Variants in GFRA1 observed in about 807,000 individuals in gnomAD.
The protein encoded by GFRA1 is GDNF family receptor alpha 1.
A neutral mutation model predicts 51.6 loss-of-function variants in GFRA1; 16 were observed. That is an observed-to-expected ratio of 0.31 (90% CI 0.21 to 0.47). The LOEUF (loss-of-function observed/expected upper bound fraction) is 0.47. GFRA1 is among the 20% of genes least tolerant of loss of function. The pLI is 1.00. For synonymous variants in GFRA1, 270 were observed against 241.3 expected, an observed-to-expected ratio of 1.12 and a Z score of -1.10; for missense variants, 530 against 594.3, an observed-to-expected ratio of 0.89 and a Z score of 1.13.
chr10:116,130,847 A>G (rs1958076734), intron 5 of GFRA1, among the ~76,000 whole-genome samples: 1 of 152,154 alleles, frequency 6.6e-6, no homozygotes, highest in Non-Finnish European at 1.5e-5. Context: ...ACATAAGATA[A>G]TCTTGGAGCT....
chr10:116,123,165 T>C (rs575555646), intron 6 of GFRA1, among the ~76,000 whole-genome samples: 66 of 152,308 alleles, frequency 4.3e-4, no homozygotes, highest in African/African-American at 1.5e-3. Context: ...TTGATTGGCT[T>C]CCCCAGGTTC....
intron 6 of GFRA1, among the ~76,000 whole-genome samples, chr10:116,118,380 AC>A (rs1957513508): frequency 6.6e-6 from 1 of 152,018 alleles, no homozygotes; most frequent in African/African-American, 2.4e-5. Context: ...AAAATCCAGC[AC>A]CCCTCTGACA....
intron 5 of GFRA1, among the ~76,000 whole-genome samples, chr10:116,187,146 A>C (rs957541110): frequency 6.6e-6 from 1 of 152,256 alleles, no homozygotes; most frequent in African/African-American, 2.4e-5. Context: ...GTAGAAAAAA[A>C]TGATGAATGC....
chr10:116,066,028 C>T (rs1257050332), intron 9 of GFRA1, among the ~76,000 whole-genome samples: 3 of 152,136 alleles, frequency 2.0e-5, no homozygotes, highest in Non-Finnish European at 4.4e-5. Context: ...GAAGTAATCC[C>T]TCATTTCTTA....
At chr10:116,109,280 T>C (rs766726624) in intron 6 of GFRA1, among the ~76,000 whole-genome samples, 1 of 152,142 alleles carries the variant, frequency 6.6e-6, no homozygotes, top group African/African-American at 2.4e-5. Flanking sequence ...AGAATTAATG[T>C]TCCCTCTTTT....
intron 5 of GFRA1, among the ~76,000 whole-genome samples, chr10:116,147,111 CAT>C (rs1958836019): frequency 6.6e-6 from 1 of 152,116 alleles, no homozygotes; most frequent in East Asian, 1.9e-4. Context: ...TGGGCTTGTA[CAT>C]ACATTTCTAT....
intron 7 of GFRA1, among the ~76,000 whole-genome samples, chr10:116,094,537 C>T (rs1956494688): frequency 6.6e-6 from 1 of 152,136 alleles, no homozygotes; most frequent in African/African-American, 2.4e-5. Context: ...GGCACAAACA[C>T]ACAAATTATT....
intron 9 of GFRA1, among the ~76,000 whole-genome samples, chr10:116,078,846 G>A (rs894046978): frequency 2.6e-5 from 4 of 152,090 alleles, no homozygotes; most frequent in Admixed American, 2.6e-4. Flanking sequence ...CCAGGCAATG[G>A]TATCCACGTT....
intron 5 of GFRA1, among the ~76,000 whole-genome samples, chr10:116,170,145 C>T (rs1960887644): frequency 6.6e-6 from 1 of 152,188 alleles, no homozygotes; most frequent in South Asian, 2.1e-4. Flanking sequence ...AATCAAAGGC[C>T]TCCATGAGCA....
intron 5 of GFRA1, among the ~76,000 whole-genome samples, chr10:116,132,341 A>T (rs547307594): frequency 1.3e-5 from 2 of 152,328 alleles, no homozygotes; most frequent in African/African-American, 4.8e-5. Context: ...AAAAACTTAG[A>T]GGATGGACAT....
intron 6 of GFRA1, among the ~76,000 whole-genome samples, chr10:116,118,318 A>G (rs1285706331): frequency 6.6e-6 from 1 of 152,120 alleles, no homozygotes; most frequent in Non-Finnish European, 1.5e-5. Context: ...CTCTGCCTCC[A>G]TGTTGCTCCC....
At chr10:116,154,254 C>T (rs1177234172) in intron 5 of GFRA1, among the ~76,000 whole-genome samples, 2 of 152,154 alleles carry the variant, frequency 1.3e-5, no homozygotes, top group African/African-American at 4.8e-5. Flanking sequence ...TATACGTTCA[C>T]CAAAAGACAC....
intron 5 of GFRA1, among the ~76,000 whole-genome samples, chr10:116,189,382 A>T (rs1963044860): frequency 6.6e-6 from 1 of 152,230 alleles, no homozygotes; most frequent in East Asian, 1.9e-4. Context: ...CCTGAGCCCC[A>T]GCATGCTCTT....
intron 4 of GFRA1, among the ~76,000 whole-genome samples, chr10:116,240,230 G>A (rs1967242597): frequency 6.6e-6 from 1 of 152,066 alleles, no homozygotes; most frequent in African/African-American, 2.4e-5. Flanking sequence ...TAAGGCACCA[G>A]CCTCCTACTC....
chr10:116,266,068 A>G (rs116405984), intron 4 of GFRA1, among the ~76,000 whole-genome samples: 425 of 152,184 alleles, frequency 2.8e-3, no homozygotes, highest in African/African-American at 9.9e-3. Context: ...CTTGTTCCCA[A>G]CGGGCCACTG....
At chr10:116,233,249 A>G (rs1030695312) in intron 4 of GFRA1, among the ~76,000 whole-genome samples, 2 of 151,940 alleles carry the variant, frequency 1.3e-5, no homozygotes, top group Non-Finnish European at 2.9e-5. Context: ...CATCCCTTGA[A>G]CCTGGGAGGC....
At chr10:116,173,805 G>A (rs543599184) in intron 5 of GFRA1, among the ~76,000 whole-genome samples, 8 of 152,252 alleles carry the variant, frequency 5.3e-5, no homozygotes, top group East Asian at 1.9e-4. Context: ...GGCCCGGCGC[G>A]GTGGCTTACG....
chr10:116,206,246 A>G (rs1410741950), intron 5 of GFRA1, among the ~76,000 whole-genome samples: 1 of 152,202 alleles, frequency 6.6e-6, no homozygotes, highest in Non-Finnish European at 1.5e-5. Flanking sequence ...AAAGAAAACA[A>G]TCTTTCATAA....
chr10:116,251,247 T>G (rs557634658), intron 4 of GFRA1, among the ~76,000 whole-genome samples: 1 of 152,322 alleles, frequency 6.6e-6, no homozygotes, highest in African/African-American at 2.4e-5. Flanking sequence ...TCCACGAAAG[T>G]TGGCTCAGTA....
Sources: allele counts gnomAD v4.1 joint callset (sites outside exome capture counted in the v4.1 genomes callset), GRCh38; gene constraint gnomAD v4.1.1; transcripts MANE v1.5; gene names NCBI Gene and HGNC (gene_info 2026-07-23, HGNC 2026-07-21).